Variants in LRRC7 observed in about 807,000 individuals in gnomAD.
LRRC7 encodes leucine rich repeat containing 7.
In LRRC7, 23 loss-of-function variants were observed where a neutral mutation model predicts 175.7. The ratio of observed to expected loss-of-function variants is 0.13; its 90% confidence interval spans 0.09 to 0.19. The LOEUF (loss-of-function observed/expected upper bound fraction) is 0.19. Ranked by LOEUF, LRRC7 falls within the 10% of genes least tolerant of loss-of-function variation. The pLI, the probability that LRRC7 is intolerant of heterozygous loss-of-function variation, is 1.00. For missense variants in LRRC7, 1,354 were observed against 1,904.7 expected (o/e 0.71, Z 5.38); for synonymous variants, 685 against 680.9 (o/e 1.01, Z -0.09).
At chr1:70,026,226 A>G (rs1658083048) in intron 17 of LRRC7, among the ~76,000 whole-genome samples, 1 of 152,144 alleles carries the variant, frequency 6.6e-6, no homozygotes, top group Non-Finnish European at 1.5e-5. Context: ...TTTAAGTTGC[A>G]TAGAATTTTA....
chr1:69,758,933 G>C (rs964836038), intron 2 of LRRC7, among the ~76,000 whole-genome samples: 1 of 151,956 alleles, frequency 6.6e-6, no homozygotes, highest in African/African-American at 2.4e-5. Flanking sequence ...TTAAATGCAA[G>C]TTTCAAATTC....
intron 4 of LRRC7, among the ~76,000 whole-genome samples, chr1:69,818,032 T>C (rs756875951): frequency 3.9e-5 from 6 of 152,154 alleles, no homozygotes; most frequent in Non-Finnish European, 8.8e-5. Context: ...TTTAGGGTTT[T>C]CTATATATAA....
intron 8 of LRRC7, among the ~76,000 whole-genome samples, chr1:69,931,912 C>T (rs1413016792): frequency 2.0e-5 from 3 of 152,216 alleles, no homozygotes; most frequent in African/African-American, 7.2e-5. Flanking sequence ...AGTGCCTGAA[C>T]AGGGATTAAA....
chr1:69,705,443 A>G (rs187118668), intron 2 of LRRC7, among the ~76,000 whole-genome samples: 79 of 152,318 alleles, frequency 5.2e-4, no homozygotes, highest in African/African-American at 1.8e-3. Flanking sequence ...AAGTCAAAAT[A>G]AAACATAGAG....
At chr1:69,740,003 A>C (rs138630256) in intron 2 of LRRC7, among the ~76,000 whole-genome samples, 89 of 152,192 alleles carry the variant, frequency 5.8e-4, no homozygotes, top group African/African-American at 2.1e-3. Flanking sequence ...AACGCTACTG[A>C]AGAAAGGAAG....
chr1:69,810,346 C>T (rs746019666), intron 4 of LRRC7, among the ~76,000 whole-genome samples: 12 of 152,128 alleles, frequency 7.9e-5, no homozygotes, highest in Non-Finnish European at 1.8e-4. Flanking sequence ...GACCATACTG[C>T]CCAAAGTAAT....
At chr1:69,991,247 A>G (rs1285842798) in intron 10 of LRRC7, among the ~76,000 whole-genome samples, 1 of 152,190 alleles carries the variant, frequency 6.6e-6, no homozygotes, top group Non-Finnish European at 1.5e-5. Flanking sequence ...TAAGAAAGAA[A>G]CTAGGAAATT....
At chr1:69,721,798 C>G (rs548065800) in intron 2 of LRRC7, among the ~76,000 whole-genome samples, 1 of 151,860 alleles carries the variant, frequency 6.6e-6, no homozygotes, top group South Asian at 2.1e-4. Context: ...TAGGTACAGA[C>G]TTGTTGAGAA....
At chr1:69,887,284 T>A (rs1645666272) in intron 7 of LRRC7, among the ~76,000 whole-genome samples, 1 of 127,146 alleles carries the variant, frequency 7.9e-6, no homozygotes, top group South Asian at 3.0e-4. Flanking sequence ...TCTTTTCACA[T>A]AGTCCCATAT....
intron 18 of LRRC7, among the ~76,000 whole-genome samples, chr1:70,031,902 G>A (rs1203106643): frequency 1.3e-5 from 2 of 151,842 alleles, no homozygotes; most frequent in Non-Finnish European, 2.9e-5. Context: ...TGGTTCAAGC[G>A]ATTCTCCTGC....
chr1:69,727,553 G>A (rs918472080), intron 2 of LRRC7, among the ~76,000 whole-genome samples: 1 of 152,108 alleles, frequency 6.6e-6, no homozygotes, highest in African/African-American at 2.4e-5. Flanking sequence ...AGTCTAAGTG[G>A]ATTCCTATAG....
intron 1 of LRRC7, among the ~76,000 whole-genome samples, chr1:69,632,445 A>G (rs1416133854): frequency 6.6e-6 from 1 of 152,102 alleles, no homozygotes; most frequent in Non-Finnish European, 1.5e-5. Context: ...TTCCTTCTAA[A>G]TTGTATTTAA....
At chr1:69,915,776 T>A (rs1646667831) in intron 7 of LRRC7, among the ~76,000 whole-genome samples, 1 of 151,896 alleles carries the variant, frequency 6.6e-6, no homozygotes, top group Admixed American at 6.6e-5. Flanking sequence ...TTTCACTAAG[T>A]ATTTTAATAA....
At chr1:69,798,850 C>A (rs1383231183) in intron 4 of LRRC7, among the ~76,000 whole-genome samples, 1 of 152,120 alleles carries the variant, frequency 6.6e-6, no homozygotes, top group Admixed American at 6.6e-5. Context: ...GTCCCCATTG[C>A]CCCATATCTG....
intron 7 of LRRC7, among the ~76,000 whole-genome samples, chr1:69,903,040 C>T (rs1009994716): frequency 7.9e-5 from 12 of 152,106 alleles, no homozygotes; most frequent in African/African-American, 2.9e-4. Context: ...TTCCAAATGC[C>T]AATTGATAAT....
At chr1:69,730,266 A>G (rs193105730) in intron 2 of LRRC7, among the ~76,000 whole-genome samples, 35 of 152,298 alleles carry the variant, frequency 2.3e-4, no homozygotes, top group African/African-American at 7.7e-4. Context: ...TTACTTATGT[A>G]AATTTCTGCA....
At chr1:69,916,179 T>TATATTATATACATATTTTATATATATA (rs1646702443) in intron 7 of LRRC7, among the ~76,000 whole-genome samples, 1 of 143,508 alleles carries the variant, frequency 7.0e-6, no homozygotes, top group Non-Finnish European at 1.5e-5. Flanking sequence ...ATATAATATA[T>TATATTATATACATATTTTATATATATA]ATTACATACA....
chr1:69,778,696 G>A (rs1296518666), intron 3 of LRRC7, among the ~76,000 whole-genome samples: 2 of 152,054 alleles, frequency 1.3e-5, no homozygotes, highest in Admixed American at 6.6e-5. Flanking sequence ...TCAAATCCTG[G>A]TCTATCTGAT....
chr1:70,049,017 T>C (rs553979377), intron 22 of LRRC7, among the ~76,000 whole-genome samples: 19 of 152,268 alleles, frequency 1.2e-4, no homozygotes, highest in African/African-American at 4.6e-4. Flanking sequence ...TTTTCTCTTG[T>C]TCATTTTTTA....
Sources: allele counts gnomAD v4.1 joint callset (sites outside exome capture counted in the v4.1 genomes callset), GRCh38; gene constraint gnomAD v4.1.1; transcripts MANE v1.5; gene names NCBI Gene and HGNC (gene_info 2026-07-23, HGNC 2026-07-21).